FGFR2: variants seen among roughly 807,000 people sequenced by gnomAD.
The protein encoded by FGFR2 is BEK fibroblast growth factor receptor.
Under a neutral mutation model 95.9 loss-of-function variants are expected in FGFR2, and 19 were observed. The ratio of observed to expected loss-of-function variants is 0.20; its 90% CI spans 0.14 to 0.29. The LOEUF is 0.29. Among genes scored for constraint, FGFR2 ranks in the 10% least tolerant of loss-of-function variants. The pLI, the probability that FGFR2 is intolerant of heterozygous loss-of-function variation, is 1.00. For synonymous variants in FGFR2, 392 were observed against 393.3 expected (o/e 1.00, Z 0.04); for missense variants, 707 against 1,056.9 (o/e 0.67, Z 4.59).
chr10:121,530,090 G>C (rs1049774220), intron 6 of FGFR2, among the ~76,000 whole-genome samples: 1 of 152,040 alleles, frequency 6.6e-6, no homozygotes, highest in African/African-American at 2.4e-5. Flanking sequence ...CAGCTATCAT[G>C]AAAGACGCAC....
rs41294349 is a variant in FGFR2 at position 121,479,472 on chromosome 10, T to C, written c.*385A>G. 3.6e-4 allele frequency: 223 copies of C among 612,926 alleles called. 1 individual carries two copies. The highest frequency in any genetic ancestry group is 3.5e-3 in the African/African-American group (190 of 54,672). The allele number at this position is 612,926 out of a possible 1,614,324, so 38.0% of individuals were successfully genotyped here. The stretch of plus-strand genomic sequence containing the variant: ...CATAATTTGAATATATTTACATACA[T>C]CCAGCACCTATATACTGCATTTGTG... On this transcript the variant is annotated 3_prime_UTR_variant, in exon 18 of 18. Coordinates refer to ENST00000358487, the MANE Select transcript of FGFR2 (RefSeq NM_000141.5).
rs536181987 is a variant in FGFR2 at position 121,503,881 on chromosome 10, G to A, written c.1348C>T (p.Arg450Cys). Residue 450 changes from arginine to cysteine, a missense_variant, in exon 10 of 18, where the codon CGC becomes TGC. Around this residue, in one of 7 missense-constraint regions of FGFR2, gnomAD observed 194 missense variants for 267.3 expected, o/e 0.73. Transcript: ENST00000358487. The part of the protein sequence containing the change: ...SNTPLVRITT[R>C]LSSTADTPML... ...GGGGTGTCTGCCGTTGAAGAGAGGC[G>A]TGTTGTTATCCTCACCAGCGGGGTG... is the stretch of plus-strand genomic sequence containing the variant. 3.4e-5 allele frequency: 55 copies of A among 1,614,124 alleles called. No individual in the cohort carries two copies. The highest frequency in any genetic ancestry group is 3.3e-4 in the Middle Eastern group (2 of 6,062).
chr10:121,538,961 G>C (rs776241810), intron 5 of FGFR2, among the ~76,000 whole-genome samples: 1 of 152,196 alleles, frequency 6.6e-6, no homozygotes, highest in Non-Finnish European at 1.5e-5. Context: ...AGTGTACAGC[G>C]TGGGTCTGTT....
At chr10:121,536,237 G>A (rs927231806) in intron 6 of FGFR2, among the ~76,000 whole-genome samples, 3 of 152,118 alleles carry the variant, frequency 2.0e-5, no homozygotes, top group Non-Finnish European at 4.4e-5. Flanking sequence ...TTAGTGCTTC[G>A]CAAAGCAATT....
At chr10:121,488,925 G>C (rs1435356174) in intron 13 of FGFR2, among the ~76,000 whole-genome samples, 2 of 152,100 alleles carry the variant, frequency 1.3e-5, no homozygotes, top group African/African-American at 4.8e-5. Context: ...TTCCACTCTT[G>C]CCTCTCCTGA....
Position 121,564,437 on chromosome 10 carries a change from G to A in FGFR2, c.454+65C>T, listed in dbSNP as rs895570444. On this transcript the variant is annotated intron_variant, in intron 4 of 17. Coordinates refer to ENST00000358487, the MANE Select transcript of FGFR2 (RefSeq NM_000141.5). ...CGCAGAAGAGTCGACAAGAAGACAG[G>A]TGACAGGCAGAACTTCCCTCCATGC... 8 of 1,432,674 alleles carry A rather than the reference G, an allele frequency of 5.6e-6. No homozygotes were observed. In the Admixed American group the frequency reaches 1.2e-4, roughly 21 times the overall value. 88.7% of individuals were successfully genotyped at this position (1,432,674 alleles called of 1,614,324 possible). A position where few individuals can be genotyped will look rare whatever the true frequency, so the allele number is the denominator to read the frequency against.
chr10:121,553,114 G>T (rs1196013321), intron 4 of FGFR2, among the ~76,000 whole-genome samples: 1 of 152,208 alleles, frequency 6.6e-6, no homozygotes, highest in Non-Finnish European at 1.5e-5. Context: ...CAAAGGTAGA[G>T]CTGAGATTTC....
chr10:121,592,156 C>T (rs551044234), intron 2 of FGFR2, among the ~76,000 whole-genome samples: 7 of 152,166 alleles, frequency 4.6e-5, no homozygotes, highest in Admixed American at 2.0e-4. Context: ...CAGTTTTTGC[C>T]GAGCCACGCA....
In FGFR2 at chr10:121,480,036, G is replaced by A. The variant is rs751273942; in HGVS notation, c.2302-15C>T. 2.5e-6 allele frequency: 4 copies of A among 1,611,342 alleles called. No individual in the cohort carries two copies. The highest frequency in any genetic ancestry group is 1.1e-5 in the South Asian group (1 of 91,014). ...TCCAAGTATTCCTGAAAGAAGGGAA[G>A]AGAGACGTTTTATTTCATCTTGGGT... On this transcript the variant is annotated splice_polypyrimidine_tract_variant and intron_variant, in intron 17 of 17. Transcript: ENST00000358487.
chr10:121,549,360 G>A (rs1482828587), intron 5 of FGFR2, among the ~76,000 whole-genome samples: 1 of 152,166 alleles, frequency 6.6e-6, no homozygotes, highest in Admixed American at 6.5e-5. Flanking sequence ...AGACACGTGA[G>A]ACACAGTCCT....
intron 6 of FGFR2, among the ~76,000 whole-genome samples, chr10:121,529,322 C>G (rs997706105): frequency 8.5e-5 from 13 of 152,094 alleles, no homozygotes; most frequent in African/African-American, 3.1e-4. Context: ...GTTGGCCAGG[C>G]TGGTCTCAAA....
chr10:121,581,031 C>T (rs1286923130), intron 2 of FGFR2, among the ~76,000 whole-genome samples: 1 of 152,196 alleles, frequency 6.6e-6, no homozygotes, highest in East Asian at 1.9e-4. Context: ...GGCCGCCCTC[C>T]GGCCATCTCT....
chr10:121,564,616 T>C, intron 3 of FGFR2, 37 bp from the exon 4 acceptor site: 1 of 1,600,220 alleles, frequency 6.2e-7, no homozygotes, highest in South Asian at 1.1e-5. Context: ...GATGTGTTTT[T>C]TGCAAAGCAA....
intron 1 of FGFR2, chr10:121,596,513 A>G: frequency 5.1e-6 from 1 of 194,176 alleles, no homozygotes; most frequent in Non-Finnish European, 1.1e-5. Flanking sequence ...CACATCAGGA[A>G]AGTCAACAGT....
At chr10:121,512,980 CTGCCT>C (rs1285779184) in intron 9 of FGFR2, among the ~76,000 whole-genome samples, 6 of 152,102 alleles carry the variant, frequency 3.9e-5, no homozygotes, top group African/African-American at 1.4e-4. Flanking sequence ...AGTGATTCTC[CTGCCT>C]CAGCCTCCCA....
At chr10:121,496,451 G>T in intron 13 of FGFR2, 81 bp downstream of exon 13, 1 of 1,304,510 alleles carries the variant, frequency 7.7e-7, no homozygotes, top group Non-Finnish European at 1.1e-6. Context: ...TCTAGCAAAT[G>T]AGCATGTCCA....
In FGFR2 at chr10:121,517,129, G is replaced by T; in HGVS notation, c.1084+190C>A. ...GGTGAAATTTCCCTTGATCATAAAT[G>T]TGAGTGTGGGATCTCACTGTGTGTG... On this transcript the variant is annotated intron_variant, in intron 8 of 17. Coordinates refer to ENST00000358487, the MANE Select transcript of FGFR2 (RefSeq NM_000141.5). This position sits in a 1 kb window ranked among gnomAD's most constrained non-coding sequence, Gnocchi z 4.7. The T allele has an allele frequency of 1.5e-6, 1 of 672,496 alleles. No individual in the cohort carries two copies. The highest frequency in any genetic ancestry group is 2.6e-6 in the Non-Finnish European group (1 of 383,220). 41.7% of individuals were successfully genotyped at this position (672,496 alleles called of 1,614,324 possible). A position where few individuals can be genotyped will look rare whatever the true frequency, so the allele number is the denominator to read the frequency against.
chr10:121,578,487 C>T (rs1860293147), intron 2 of FGFR2, among the ~76,000 whole-genome samples: 1 of 152,226 alleles, frequency 6.6e-6, no homozygotes, highest in Non-Finnish European at 1.5e-5. Flanking sequence ...AGTCTGCGTC[C>T]CCAGCCCACT....
intron 13 of FGFR2, among the ~76,000 whole-genome samples, chr10:121,492,544 C>T (rs893398940): frequency 6.6e-6 from 1 of 152,188 alleles, no homozygotes. Flanking sequence ...TTCTCTTTTG[C>T]CCCTTCCTTC....
Sources: allele counts gnomAD v4.1 joint callset (sites outside exome capture counted in the v4.1 genomes callset), GRCh38; gene constraint gnomAD v4.1.1; regional missense constraint gnomAD v4.1.1; non-coding constraint Gnocchi (gnomAD v3.1); transcripts MANE v1.5; gene names NCBI Gene and HGNC (gene_info 2026-07-23, HGNC 2026-07-21).